Variants in CNTNAP5 observed in about 807,000 individuals in gnomAD.
CNTNAP5 encodes the protein contactin associated protein family member 5, also known as contactin-associated protein-like 5.
Under a neutral mutation model 150.2 loss-of-function variants are expected in CNTNAP5, and 72 were observed. The observed-to-expected ratio is 0.48, with a 90% CI of 0.40 to 0.58. The LOEUF (loss-of-function observed/expected upper bound fraction) is 0.58. Among genes scored for constraint, CNTNAP5 ranks in the 20% least tolerant of loss-of-function variants. CNTNAP5 has a pLI of 0.00. For synonymous variants in CNTNAP5, 672 were observed against 619.8 expected (o/e 1.08, Z -1.25); for missense variants, 1,636 against 1,626.2 (o/e 1.01, Z -0.10).
intron 13 of CNTNAP5, among the ~76,000 whole-genome samples, chr2:124,673,833 T>C (rs1479243662): frequency 6.6e-6 from 1 of 151,838 alleles, no homozygotes; most frequent in Non-Finnish European, 1.5e-5. Flanking sequence ...TTCACGATGA[T>C]AAGGTACTCA....
intron 21 of CNTNAP5, among the ~76,000 whole-genome samples, chr2:124,878,552 T>C (rs1010765058): frequency 6.6e-6 from 1 of 152,114 alleles, no homozygotes; most frequent in Non-Finnish European, 1.5e-5. Flanking sequence ...AGTCTTTATG[T>C]AACAAAGCTT....
chr2:124,724,437 G>T (rs1680114242), intron 13 of CNTNAP5, among the ~76,000 whole-genome samples: 1 of 152,048 alleles, frequency 6.6e-6, no homozygotes, highest in Non-Finnish European at 1.5e-5. Flanking sequence ...CAACATAATT[G>T]TGGTGGCAAG....
intron 7 of CNTNAP5, among the ~76,000 whole-genome samples, chr2:124,482,884 T>C (rs1358502064): frequency 6.6e-6 from 1 of 152,176 alleles, no homozygotes; most frequent in African/African-American, 2.4e-5. Context: ...TCCTTCAAGG[T>C]GAATAGAAAC....
In CNTNAP5 at chr2:124,511,979, G is replaced by A. The variant is rs566027035; in HGVS notation, c.1327+7423G>A. 1.0e-4 allele frequency among the ~76,000 whole-genome samples: 15 copies of A among 150,576 alleles called. No homozygotes were observed. In the East Asian group the frequency reaches 1.2e-3, roughly 12 times the overall value. Reference sequence around the variant, plus strand: ...TAAATGTGTATATGTGTGTGTGTGCGCACATCTATGTTGGTAGGAGGGTTA... The same window carrying A: ...TAAATGTGTATATGTGTGTGTGTGCACACATCTATGTTGGTAGGAGGGTTA... On this transcript the variant is annotated intron_variant, in intron 8 of 23. Coordinates refer to ENST00000682447, the MANE Select transcript of CNTNAP5 (RefSeq NM_001367498.1).
chr2:124,723,762 A>G (rs1197774038), intron 13 of CNTNAP5, among the ~76,000 whole-genome samples: 1 of 152,126 alleles, frequency 6.6e-6, no homozygotes, highest in Non-Finnish European at 1.5e-5. Flanking sequence ...TCCCATGCCC[A>G]GTTCATCTTC....
At chr2:124,669,504 T>C (rs1361678590) in intron 13 of CNTNAP5, among the ~76,000 whole-genome samples, 1 of 152,218 alleles carries the variant, frequency 6.6e-6, no homozygotes, top group Non-Finnish European at 1.5e-5. Context: ...AGCCCAGGGC[T>C]CTCTTCATCA....
At chr2:124,510,251 C>A (rs572128307) in intron 8 of CNTNAP5, among the ~76,000 whole-genome samples, 5 of 125,684 alleles carry the variant, frequency 4.0e-5, no homozygotes, top group East Asian at 2.2e-4. Flanking sequence ...ATATCTATAT[C>A]TATATCTATA....
At chr2:124,652,198 T>C (rs971276029) in intron 13 of CNTNAP5, among the ~76,000 whole-genome samples, 3 of 152,208 alleles carry the variant, frequency 2.0e-5, no homozygotes, top group East Asian at 1.9e-4. Flanking sequence ...CACCAGGACA[T>C]CCGTATCCCA....
At chr2:124,390,263 A>G (rs1447433853) in intron 3 of CNTNAP5, among the ~76,000 whole-genome samples, 1 of 152,172 alleles carries the variant, frequency 6.6e-6, no homozygotes, top group Non-Finnish European at 1.5e-5. Context: ...TTGATTTCTC[A>G]TCTGCATCTT....
intron 1 of CNTNAP5, among the ~76,000 whole-genome samples, chr2:124,079,393 T>C (rs1682508017): frequency 6.6e-6 from 1 of 152,156 alleles, no homozygotes; most frequent in East Asian, 1.9e-4. Flanking sequence ...CCACAGCTGT[T>C]TGGGCATAGC....
intron 13 of CNTNAP5, among the ~76,000 whole-genome samples, chr2:124,706,269 T>C (rs1284388222): frequency 6.6e-6 from 1 of 152,206 alleles, no homozygotes; most frequent in East Asian, 1.9e-4. Flanking sequence ...AATTTAAAGA[T>C]TTCTGCAGTG....
At chr2:124,296,015 T>G (rs1194349377) in intron 3 of CNTNAP5, among the ~76,000 whole-genome samples, 1 of 152,190 alleles carries the variant, frequency 6.6e-6, no homozygotes, top group Non-Finnish European at 1.5e-5. Context: ...ATGAAGAAAG[T>G]CCTAAAACCT....
At chr2:124,338,319 C>A (rs962136955) in intron 3 of CNTNAP5, among the ~76,000 whole-genome samples, 2 of 152,148 alleles carry the variant, frequency 1.3e-5, no homozygotes, top group African/African-American at 4.8e-5. Flanking sequence ...CAAAGAGGGA[C>A]AATTTGATTT....
chr2:124,660,615 T>C (rs1223460866), intron 13 of CNTNAP5, among the ~76,000 whole-genome samples: 2 of 150,670 alleles, frequency 1.3e-5, no homozygotes, highest in Non-Finnish European at 3.0e-5. Context: ...TTACATTATT[T>C]TTTATACCAA....
chr2:124,444,863 C>T (rs1692772278), intron 5 of CNTNAP5, among the ~76,000 whole-genome samples: 1 of 152,130 alleles, frequency 6.6e-6, no homozygotes, highest in Admixed American at 6.5e-5. Flanking sequence ...CAGCCTGTCC[C>T]TGCTGCATAA....
intron 1 of CNTNAP5, among the ~76,000 whole-genome samples, chr2:124,110,658 C>A (rs1573760634): frequency 6.6e-6 from 1 of 152,094 alleles, no homozygotes; most frequent in African/African-American, 2.4e-5. Context: ...CTATTGGTAT[C>A]CTCATTTTAT....
chr2:124,695,609 T>C (rs778316776), intron 13 of CNTNAP5, among the ~76,000 whole-genome samples: 8 of 152,158 alleles, frequency 5.3e-5, no homozygotes, highest in Non-Finnish European at 1.2e-4. Flanking sequence ...AGAGGAAATG[T>C]CTTCCAAACT....
At chr2:124,082,162 A>G (rs532565847) in intron 1 of CNTNAP5, among the ~76,000 whole-genome samples, 1 of 152,082 alleles carries the variant, frequency 6.6e-6, no homozygotes, top group Non-Finnish European at 1.5e-5. Flanking sequence ...ATCCTGGCTA[A>G]CACGGTGAAA....
chr2:124,271,693 CTATCTATCATCT>C lies in CNTNAP5; in HGVS notation c.381+29301_381+29312del, dbSNP rs745754361. Among the ~76,000 whole-genome samples the C allele has an allele frequency of 7.9e-3, 929 of 117,202 alleles. 5 individuals carry two copies. The highest frequency in any genetic ancestry group is 0.011 in the Non-Finnish European group (621 of 54,386). 76.9% of individuals were successfully genotyped at this position (117,202 alleles called of 152,430 possible). ...TCTATCTATCTATCTATCTATCTATCTATCTATCATCTATCTATCTATCTATCTATCTATTTA... is the reference window on the plus strand; with the variant it reads ...TCTATCTATCTATCTATCTATCTATCATCTATCTATCTATCTATCTATTTA... On this transcript the variant is annotated intron_variant, in intron 3 of 23. Coordinates refer to ENST00000682447, the MANE Select transcript of CNTNAP5 (RefSeq NM_001367498.1).
Sources: allele counts gnomAD v4.1 joint callset (sites outside exome capture counted in the v4.1 genomes callset), GRCh38; gene constraint gnomAD v4.1.1; transcripts MANE v1.5; gene names NCBI Gene and HGNC (gene_info 2026-07-23, HGNC 2026-07-21).